The following SGCD variants were observed in gnomAD, a reference collection of about 807,000 sequenced individuals.
The protein encoded by SGCD is delta-sarcoglycan.
A neutral mutation model predicts 36.6 loss-of-function variants in SGCD; 18 were observed. The observed-to-expected ratio is 0.49, with a 90% CI of 0.34 to 0.73. SGCD has a LOEUF of 0.73. Ranked by LOEUF, SGCD falls within the 30% of genes least tolerant of loss-of-function variation. The pLI is 0.01. For missense variants in SGCD, 387 were observed against 346.7 expected, an observed-to-expected ratio of 1.12 and a Z score of -0.92; for synonymous variants, 133 against 130.6, an observed-to-expected ratio of 1.02 and a Z score of -0.12.
At position 156,588,988 on chromosome 5, in the gene SGCD, T is replaced by TTGTGTGTGTG. The variant is rs113243314; in HGVS notation, c.295-216_295-207dup. On this transcript the variant is annotated intron_variant, in intron 4 of 8. Coordinates refer to ENST00000337851, the MANE Select transcript of SGCD (RefSeq NM_000337.6). ...TGTGTGTGTTCTGGGGGAATCTATATTGTGTGTGTGTGTGTGTGTGTGTGT... is the reference window on the plus strand; with the variant it reads ...TGTGTGTGTTCTGGGGGAATCTATATTGTGTGTGTGTGTGTGTGTGTGTGTGTGTGTGTGT... 0.035 allele frequency among the ~76,000 whole-genome samples: 4,968 copies of TTGTGTGTGTG among 143,096 alleles called. 130 individuals are homozygous for TTGTGTGTGTG. The highest frequency in any genetic ancestry group is 0.069 in the African/African-American group (2,659 of 38,484). The allele number at this position is 143,096 out of a possible 152,430, so 93.9% of individuals were successfully genotyped here.
At chr5:156,747,731 T>C (rs536839178) in intron 7 of SGCD, among the ~76,000 whole-genome samples, 1 of 152,240 alleles carries the variant, frequency 6.6e-6, no homozygotes, top group East Asian at 1.9e-4. Context: ...TCTACTTGTG[T>C]AGAAGGAAGT....
intron 3 of SGCD, among the ~76,000 whole-genome samples, chr5:156,232,707 T>C (rs936579268): frequency 6.6e-6 from 1 of 152,234 alleles, no homozygotes; most frequent in African/African-American, 2.4e-5. Flanking sequence ...TTAGTGTGTC[T>C]ATTAGTATCT....
the SGCD span, among the ~76,000 whole-genome samples, chr5:155,788,318 C>A: frequency 6.6e-6 from 1 of 152,050 alleles, no homozygotes; most frequent in Non-Finnish European, 1.5e-5. Context: ...GGATTTTAAA[C>A]GTTAAAAATG....
intron 6 of SGCD, among the ~76,000 whole-genome samples, chr5:156,612,741 T>C (rs2194036): frequency 0.065 from 9,892 of 152,212 alleles, 346 homozygotes; most frequent in South Asian, 0.1. Context: ...AGAGGTGCAA[T>C]GGCTACCACC....
At chr5:156,207,326 C>A (rs1764307273) in intron 3 of SGCD, among the ~76,000 whole-genome samples, 1 of 152,012 alleles carries the variant, frequency 6.6e-6, no homozygotes, top group Non-Finnish European at 1.5e-5. Flanking sequence ...TTTTTGGGGG[C>A]CCAGCACTGT....
chr5:156,584,432 C>CGGT (rs1760409483), intron 4 of SGCD, among the ~76,000 whole-genome samples: 1 of 152,186 alleles, frequency 6.6e-6, no homozygotes, highest in Non-Finnish European at 1.5e-5. Context: ...CCAGGGGCTA[C>CGGT]CTGCTCAGCC....
intron 1 of SGCD, among the ~76,000 whole-genome samples, chr5:156,100,730 A>G (rs1044997379): frequency 4.6e-5 from 7 of 152,230 alleles, no homozygotes; most frequent in African/African-American, 1.4e-4. Context: ...GTGAAGGAAG[A>G]TATAAAGATG....
At chr5:156,546,105 A>G (rs1421707694) in intron 4 of SGCD, among the ~76,000 whole-genome samples, 12 of 152,192 alleles carry the variant, frequency 7.9e-5, no homozygotes, top group Admixed American at 3.9e-4. Context: ...ATATGACTGT[A>G]TTCTGAGATG....
At chr5:156,721,879 A>G (rs1050984873) in intron 7 of SGCD, among the ~76,000 whole-genome samples, 1 of 152,196 alleles carries the variant, frequency 6.6e-6, no homozygotes, top group Non-Finnish European at 1.5e-5. Flanking sequence ...ATAGGAAGCA[A>G]GGTCATTAGA....
intron 1 of SGCD, among the ~76,000 whole-genome samples, chr5:155,945,558 A>G (rs1486723304): frequency 6.6e-6 from 1 of 152,198 alleles, no homozygotes; most frequent in Non-Finnish European, 1.5e-5. Flanking sequence ...TTTGCAGAGG[A>G]CGGAACTAGC....
At chr5:155,893,485 T>A (rs148473756) in intron 1 of SGCD, among the ~76,000 whole-genome samples, 1 of 152,226 alleles carries the variant, frequency 6.6e-6, no homozygotes, top group African/African-American at 2.4e-5. Context: ...TCTGAATACT[T>A]AGCCTTATAT....
chr5:155,817,716 C>G, the SGCD span, among the ~76,000 whole-genome samples: 1 of 152,014 alleles, frequency 6.6e-6, no homozygotes, highest in East Asian at 1.9e-4. Context: ...TTTTGTCCTT[C>G]CCCTGTGAAG....
chr5:156,136,307 C>T (rs920834555), intron 3 of SGCD, among the ~76,000 whole-genome samples: 6 of 152,162 alleles, frequency 3.9e-5, no homozygotes, highest in Non-Finnish European at 7.4e-5. Flanking sequence ...GAGGCAGGGA[C>T]TTGCCAAATT....
intron 7 of SGCD, among the ~76,000 whole-genome samples, chr5:156,725,596 T>C (rs774788011): frequency 3.9e-5 from 6 of 152,184 alleles, no homozygotes; most frequent in Non-Finnish European, 7.4e-5. Flanking sequence ...TTGCTTTTGC[T>C]GGTGATAAAA....
chr5:155,840,287 A>G, the SGCD span, among the ~76,000 whole-genome samples: 3 of 147,478 alleles, frequency 2.0e-5, no homozygotes, highest in Admixed American at 1.4e-4. Flanking sequence ...TCTGTCTCCC[A>G]GGCTGGAGTG....
At position 156,609,465 on chromosome 5, in the gene SGCD, G is replaced by T. The variant is rs892773235; in HGVS notation, c.502+14414G>T. ...GTGGGTAACCCGACCTTTCTCTCTG[G>T]CTGCCCTTAACATTTTTTCCTTCAT... On this transcript the variant is annotated intron_variant, in intron 6 of 8. Coordinates refer to ENST00000337851, the MANE Select transcript of SGCD (RefSeq NM_000337.6). Among the ~76,000 whole-genome samples, 127 of 152,080 alleles carry T rather than the reference G, an allele frequency of 8.4e-4. 1 individual carries two copies. Among genetic ancestry groups the T allele is most frequent in the Non-Finnish European group, 1.6e-3 (111 of 68,004 alleles).
chr5:156,683,193 G>A (rs1753785584), intron 7 of SGCD, among the ~76,000 whole-genome samples: 1 of 152,176 alleles, frequency 6.6e-6, no homozygotes, highest in Non-Finnish European at 1.5e-5. Context: ...ACACCTGAGT[G>A]TAGGATTGTT....
chr5:156,011,557 A>G (rs1758861922), intron 1 of SGCD, among the ~76,000 whole-genome samples: 1 of 151,802 alleles, frequency 6.6e-6, no homozygotes, highest in African/African-American at 2.4e-5. Context: ...CCTCTGCCTT[A>G]GCCTCCCGAG....
intron 2 of SGCD, among the ~76,000 whole-genome samples, chr5:156,330,595 T>G (rs1476147386): frequency 1.3e-5 from 2 of 152,236 alleles, no homozygotes; most frequent in Non-Finnish European, 2.9e-5. Context: ...TTTCCTGCAC[T>G]CTTTCTTTAC....
Sources: allele counts gnomAD v4.1 joint callset (sites outside exome capture counted in the v4.1 genomes callset), GRCh38; gene constraint gnomAD v4.1.1; transcripts MANE v1.5; gene names NCBI Gene and HGNC (gene_info 2026-07-23, HGNC 2026-07-21).